HDGFL3: variants seen among roughly 807,000 people sequenced by gnomAD.
HDGFL3 encodes the protein HDGF like 3.
In HDGFL3, 6 loss-of-function variants were observed where a neutral mutation model predicts 27.6. That is an observed-to-expected ratio of 0.22 (90% confidence interval 0.12 to 0.43). The LOEUF (loss-of-function observed/expected upper bound fraction) is 0.43, where lower values mean the gene tolerates loss of function less well. Ranked by LOEUF, HDGFL3 falls within the 20% of genes least tolerant of loss-of-function variation. The probability of loss-of-function intolerance (pLI) is 1.00; values close to 1 mark genes in which losing one functional copy is unlikely to be tolerated. For synonymous variants in HDGFL3, 88 were observed against 88.9 expected (o/e 0.99, Z 0.05); for missense variants, 207 against 250.1 (o/e 0.83, Z 1.16).
At chr15:83,191,137 C>T (rs2037506394) in intron 1 of HDGFL3, among the ~76,000 whole-genome samples, 1 of 152,130 alleles carries the variant, frequency 6.6e-6, no homozygotes, top group Non-Finnish European at 1.5e-5. Flanking sequence ...TCTCCCTGAG[C>T]CAAAAGCGGT....
chr15:83,180,587 G>C (rs1284427280), intron 1 of HDGFL3, among the ~76,000 whole-genome samples: 1 of 151,572 alleles, frequency 6.6e-6, no homozygotes, highest in Non-Finnish European at 1.5e-5. Context: ...CAGGAGAAAG[G>C]GGAAAGAATT....
intron 1 of HDGFL3, among the ~76,000 whole-genome samples, chr15:83,197,666 C>G (rs923155798): frequency 6.6e-6 from 1 of 152,126 alleles, no homozygotes; most frequent in African/African-American, 2.4e-5. Flanking sequence ...TCCCACAAAC[C>G]AGGAAAACTC....
At chr15:83,150,669 A>G (rs570737906) in intron 5 of HDGFL3, among the ~76,000 whole-genome samples, 1 of 152,344 alleles carries the variant, frequency 6.6e-6, no homozygotes, top group African/African-American at 2.4e-5. Context: ...TTTTTTACAA[A>G]GGTGGACTTA....
At chr15:83,147,888 C>A (rs1018855740) in intron 5 of HDGFL3, among the ~76,000 whole-genome samples, 1 of 152,070 alleles carries the variant, frequency 6.6e-6, no homozygotes, top group Non-Finnish European at 1.5e-5. Context: ...TATGATGATC[C>A]ATGTTAGTTA....
intron 1 of HDGFL3, among the ~76,000 whole-genome samples, chr15:83,206,039 T>C (rs1469214034): frequency 6.6e-6 from 1 of 152,236 alleles, no homozygotes; most frequent in Non-Finnish European, 1.5e-5. Context: ...ACAGTTGAAA[T>C]GATTAGTCCA....
At chr15:83,204,246 A>G (rs1415562103) in intron 1 of HDGFL3, among the ~76,000 whole-genome samples, 8 of 151,894 alleles carry the variant, frequency 5.3e-5, no homozygotes, top group Admixed American at 6.6e-5. Context: ...ATAGAGAGCT[A>G]TATTTATATT....
chr15:83,162,954 G>A (rs1380166610), intron 2 of HDGFL3, among the ~76,000 whole-genome samples: 1 of 152,080 alleles, frequency 6.6e-6, no homozygotes, highest in Non-Finnish European at 1.5e-5. Flanking sequence ...CAGTATTCAT[G>A]CTCTTCTTTT....
chr15:83,192,121 T>G (rs1222320176), intron 1 of HDGFL3: 3 of 297,032 alleles, frequency 1.0e-5, no homozygotes, highest in Non-Finnish European at 2.0e-5. Context: ...TTTTGTATTT[T>G]TGTAGAGGTG....
intron 1 of HDGFL3, among the ~76,000 whole-genome samples, chr15:83,190,116 C>T (rs1000357412): frequency 1.4e-5 from 2 of 148,078 alleles, no homozygotes; most frequent in Non-Finnish European, 3.0e-5. Flanking sequence ...ACAGAGTCTG[C>T]GGTAAGAGGA....
chr15:83,178,926 GTGT>G (rs2037347342), intron 1 of HDGFL3, among the ~76,000 whole-genome samples: 1 of 152,084 alleles, frequency 6.6e-6, no homozygotes, highest in Non-Finnish European at 1.5e-5. Flanking sequence ...CTTGATATTA[GTGT>G]TGTCTTGTCA....
intron 1 of HDGFL3, among the ~76,000 whole-genome samples, chr15:83,165,565 T>C (rs1480914263): frequency 6.6e-6 from 1 of 152,154 alleles, no homozygotes. Flanking sequence ...CCATTGTTCC[T>C]GTCTGCCCTG....
At chr15:83,162,891 G>T (rs2037118441) in intron 2 of HDGFL3, among the ~76,000 whole-genome samples, 1 of 152,120 alleles carries the variant, frequency 6.6e-6, no homozygotes, top group East Asian at 1.9e-4. Context: ...TTTGTTTTTT[G>T]TTGTAAATAA....
chr15:83,150,128 G>GGGTA (rs539159046), intron 5 of HDGFL3, among the ~76,000 whole-genome samples: 41 of 152,216 alleles, frequency 2.7e-4, no homozygotes, highest in African/African-American at 9.1e-4. Flanking sequence ...AGTATTAAGG[G>GGGTA]GGTAGGACAA....
At chr15:83,190,750 A>G (rs886304057) in intron 1 of HDGFL3, among the ~76,000 whole-genome samples, 9 of 152,228 alleles carry the variant, frequency 5.9e-5, no homozygotes, top group Admixed American at 5.9e-4. Flanking sequence ...TTTTTCAGTG[A>G]ACAAAAGCAC....
Position 83,207,127 on chromosome 15 carries a change from C to T in HDGFL3, c.84+204G>A, listed in dbSNP as rs904124776. Among the ~76,000 whole-genome samples the T allele has an allele frequency of 3.3e-5, 5 of 152,180 alleles. No individual in the cohort carries two copies. The East Asian group carries it at 9.7e-4, about 30-fold the overall frequency. ...CTTCGAAAGTGGGCGGAAGGATGGC[C>T]GCCCTGGCGGAGTGCGGGCGAGGCC... On this transcript the variant is annotated intron_variant, in intron 1 of 5. Coordinates refer to ENST00000299633, the MANE Select transcript of HDGFL3 (RefSeq NM_016073.4). The surrounding 1 kb of genome is among the most constrained non-coding windows in gnomAD (Gnocchi z 4.8).
At position 83,136,617 on chromosome 15, in the gene HDGFL3, G is replaced by T. The variant is rs370014243; in HGVS notation, c.*2653C>A. On this transcript the variant is annotated 3_prime_UTR_variant, in exon 6 of 6. Coordinates refer to ENST00000299633, the MANE Select transcript of HDGFL3 (RefSeq NM_016073.4). Reference sequence around the variant, plus strand: ...CTTCCTCAGCTCTTGGCCTATCGTTGTATCTACAAACCAGAGTTCTTCATA... The same window carrying T: ...CTTCCTCAGCTCTTGGCCTATCGTTTTATCTACAAACCAGAGTTCTTCATA... 10 of 1,611,894 alleles carry T rather than the reference G, an allele frequency of 6.2e-6. No individual in the cohort carries two copies. The highest frequency in any genetic ancestry group is 2.2e-5 in the East Asian group (1 of 44,858).
At chr15:83,125,954 G>T (rs1287947925), downstream of HDGFL3, among the ~76,000 whole-genome samples, 1 of 152,206 alleles carries the variant, frequency 6.6e-6, no homozygotes, top group Non-Finnish European at 1.5e-5. Context: ...AGACCACAGG[G>T]CCACTGAAAC....
downstream of HDGFL3, chr15:83,127,228 A>G: frequency 1.1e-6 from 1 of 914,090 alleles, no homozygotes; most frequent in Non-Finnish European, 1.5e-6. Context: ...AGTAAAAAAA[A>G]AAAAAGAGTC....
At chr15:83,157,778 C>T (rs1298620264) in intron 3 of HDGFL3, 125 bp downstream of exon 3, 1 of 1,003,992 alleles carries the variant, frequency 1.0e-6, no homozygotes, top group Non-Finnish European at 1.5e-6. Context: ...CAAAATGCTA[C>T]TGGAGTCAAA....
Sources: allele counts gnomAD v4.1 joint callset (sites outside exome capture counted in the v4.1 genomes callset), GRCh38; gene constraint gnomAD v4.1.1; non-coding constraint Gnocchi (gnomAD v3.1); transcripts MANE v1.5; gene names NCBI Gene and HGNC (gene_info 2026-07-23, HGNC 2026-07-21).